The following RAPGEF6 variants were observed in gnomAD, a reference collection of about 807,000 sequenced individuals.
RAPGEF6 encodes the protein Rap guanine nucleotide exchange factor 6.
Under a neutral mutation model 171.4 loss-of-function variants are expected in RAPGEF6, and 56 were observed. That is an observed-to-expected ratio of 0.33 (90% CI 0.26 to 0.41). RAPGEF6 has a LOEUF of 0.41. RAPGEF6 is among the 10% of genes least tolerant of loss of function. RAPGEF6 has a pLI of 1.00. For missense variants in RAPGEF6, 1,674 were observed against 1,921.4 expected, an observed-to-expected ratio of 0.87 and a Z score of 2.41; for synonymous variants, 692 against 650.1, an observed-to-expected ratio of 1.06 and a Z score of -0.98.
At chr5:131,488,844 T>G (rs999303139) in intron 15 of RAPGEF6, among the ~76,000 whole-genome samples, 1 of 152,228 alleles carries the variant, frequency 6.6e-6, no homozygotes, top group Non-Finnish European at 1.5e-5. Flanking sequence ...TCAATTGCTG[T>G]ATGATTTTTA....
intron 1 of RAPGEF6, among the ~76,000 whole-genome samples, chr5:131,606,243 G>A (rs1302355087): frequency 6.6e-6 from 1 of 151,076 alleles, no homozygotes; most frequent in East Asian, 2.0e-4. Flanking sequence ...GTACACATCT[G>A]TAGTCCCAGC....
At chr5:131,621,761 C>T (rs1337667968) in intron 1 of RAPGEF6, among the ~76,000 whole-genome samples, 3 of 152,120 alleles carry the variant, frequency 2.0e-5, no homozygotes, top group South Asian at 2.1e-4. Flanking sequence ...TTTCCAATCT[C>T]GGTTGGTTGA....
chr5:131,594,878 C>T (rs986210825), intron 3 of RAPGEF6, among the ~76,000 whole-genome samples: 2 of 149,626 alleles, frequency 1.3e-5, no homozygotes, highest in African/African-American at 5.0e-5. Flanking sequence ...GAGCATTTAC[C>T]CCATGCCTGT....
At chr5:131,524,014 A>G (rs953152240) in intron 6 of RAPGEF6, among the ~76,000 whole-genome samples, 3 of 152,216 alleles carry the variant, frequency 2.0e-5, no homozygotes, top group Non-Finnish European at 1.5e-5. Flanking sequence ...CAATTGAGTG[A>G]TATCTCCAAG....
chr5:131,624,426 G>C (rs751576231), intron 1 of RAPGEF6, among the ~76,000 whole-genome samples: 8 of 152,170 alleles, frequency 5.3e-5, no homozygotes, highest in Non-Finnish European at 7.3e-5. Flanking sequence ...CAAGAGAGGA[G>C]GTTAAAAGTC....
intron 1 of RAPGEF6, among the ~76,000 whole-genome samples, chr5:131,624,716 T>C (rs1473115828): frequency 6.6e-6 from 1 of 151,716 alleles, no homozygotes; most frequent in Non-Finnish European, 1.5e-5. Flanking sequence ...ACCAGAAGAG[T>C]GGTTTCCTTT....
chr5:131,475,738 T>G (rs1329062386), intron 16 of RAPGEF6, among the ~76,000 whole-genome samples: 1 of 152,254 alleles, frequency 6.6e-6, no homozygotes, highest in Non-Finnish European at 1.5e-5. Flanking sequence ...ATTTTTCACT[T>G]TAATTTTTAG....
At chr5:131,582,740 A>C (rs1242431546) in intron 4 of RAPGEF6, among the ~76,000 whole-genome samples, 1 of 152,230 alleles carries the variant, frequency 6.6e-6, no homozygotes, top group Non-Finnish European at 1.5e-5. Context: ...TGAAGCACAT[A>C]CAGAACTTTT....
At chr5:131,579,360 A>G (rs1450055388) in intron 4 of RAPGEF6, among the ~76,000 whole-genome samples, 2 of 152,242 alleles carry the variant, frequency 1.3e-5, no homozygotes, top group African/African-American at 2.4e-5. Context: ...GGACAGGAGC[A>G]GGTTGCCTGC....
At chr5:131,571,617 A>C (rs1298058886) in intron 4 of RAPGEF6, among the ~76,000 whole-genome samples, 1 of 152,224 alleles carries the variant, frequency 6.6e-6, no homozygotes, top group Non-Finnish European at 1.5e-5. Flanking sequence ...TAAAAGAATC[A>C]ACTATTAAGA....
intron 26 of RAPGEF6, 92 bp downstream of exon 26, chr5:131,430,767 T>G (rs1281144876): frequency 6.6e-7 from 1 of 1,504,958 alleles, no homozygotes; most frequent in Non-Finnish European, 9.1e-7. Context: ...GAATGAATTT[T>G]TGCGACGATA....
At chr5:131,465,895 T>C (rs1237464055) in intron 17 of RAPGEF6, among the ~76,000 whole-genome samples, 1 of 152,084 alleles carries the variant, frequency 6.6e-6, no homozygotes, top group East Asian at 1.9e-4. Context: ...AATTATACTG[T>C]TTGTCCAGCA....
chr5:131,614,281 C>CAAAAAAAAAAAAAAAA (rs386404987), intron 1 of RAPGEF6, among the ~76,000 whole-genome samples: 4 of 81,416 alleles, frequency 4.9e-5, no homozygotes, highest in Admixed American at 3.2e-4. Context: ...GACTCTGTCT[C>CAAAAAAAAAAAAAAAA]AAAAAAAAAA....
intron 17 of RAPGEF6, among the ~76,000 whole-genome samples, chr5:131,471,805 C>A (rs563783597): frequency 1.3e-5 from 2 of 152,222 alleles, no homozygotes; most frequent in Admixed American, 1.3e-4. Context: ...TATGCTATAA[C>A]GCTCTGATAA....
At position 131,424,486 on chromosome 5, in the gene RAPGEF6, C is replaced by T. The variant is rs1751305862; in HGVS notation, c.*2780G>A. 6.6e-6 allele frequency: 1 copy of T among 152,252 alleles called. No individual in the cohort carries two copies. Among genetic ancestry groups the T allele is most frequent in the African/African-American group, 2.4e-5 (1 of 41,418 alleles). The allele number at this position is 152,252 out of a possible 1,614,324, so 9.4% of individuals were successfully genotyped here. ...AGTTTTAAGGAAGCTTTTTCTCCTC[C>T]TTCCTTTTTTGTAGAGGAAAGAACA... On this transcript the variant is annotated 3_prime_UTR_variant, in exon 28 of 28. Coordinates refer to ENST00000509018, the MANE Select transcript of RAPGEF6 (RefSeq NM_016340.6).
intron 1 of RAPGEF6, among the ~76,000 whole-genome samples, chr5:131,628,466 G>C (rs1446800778): frequency 1.3e-5 from 2 of 152,114 alleles, no homozygotes; most frequent in Non-Finnish European, 2.9e-5. Flanking sequence ...GTTTGAAGCT[G>C]GTGGAAGTTG....
In RAPGEF6 at chr5:131,540,502, T is replaced by C. The variant is rs1051448716; in HGVS notation, c.495+7545A>G. Among the ~76,000 whole-genome samples the C allele has an allele frequency of 3.3e-5, 5 of 152,202 alleles. No individual in the cohort carries two copies. The South Asian group carries it at 6.2e-4, about 19-fold the overall frequency. ...GTTAGAGCCCAGGAGTTTGAGCTTA[T>C]GGTGAACTATGATCGCATAACTGCA... On this transcript the variant is annotated intron_variant, in intron 6 of 27. Transcript: ENST00000509018.
intron 5 of RAPGEF6, among the ~76,000 whole-genome samples, chr5:131,548,772 C>T (rs923300018): frequency 1.3e-5 from 2 of 152,146 alleles, no homozygotes; most frequent in African/African-American, 2.4e-5. Context: ...GCCCTGTAAG[C>T]AGGTATTACT....
chr5:131,429,730 TG>T (rs1379715908), intron 26 of RAPGEF6, among the ~76,000 whole-genome samples: 6 of 152,156 alleles, frequency 3.9e-5, no homozygotes, highest in African/African-American at 1.4e-4. Flanking sequence ...ACTTTAACTT[TG>T]CTGGTACGGA....
Sources: allele counts gnomAD v4.1 joint callset (sites outside exome capture counted in the v4.1 genomes callset), GRCh38; gene constraint gnomAD v4.1.1; transcripts MANE v1.5; gene names NCBI Gene and HGNC (gene_info 2026-07-23, HGNC 2026-07-21).